The following L3MBTL4 variants were observed in gnomAD, a reference collection of about 807,000 sequenced individuals.
The protein encoded by L3MBTL4 is lethal(3)malignant brain tumor-like protein 4.
L3MBTL4 carries 70 observed loss-of-function variants against 84.5 expected under a neutral mutation model. That is an observed-to-expected ratio of 0.83 (90% CI 0.68 to 1.01). The LOEUF is 1.01. Ranked by LOEUF, L3MBTL4 falls within the 50% of genes least tolerant of loss-of-function variation. The probability of loss-of-function intolerance (pLI) is 0.00; values close to 1 mark genes in which losing one functional copy is unlikely to be tolerated. For synonymous variants in L3MBTL4, 274 were observed against 259.8 expected (o/e 1.05, Z -0.52); for missense variants, 715 against 754.8 (o/e 0.95, Z 0.62).
At chr18:6,105,551 C>A (rs541358914) in intron 14 of L3MBTL4, among the ~76,000 whole-genome samples, 1 of 151,728 alleles carries the variant, frequency 6.6e-6, no homozygotes, top group East Asian at 2.0e-4. Context: ...GTAATCTCAG[C>A]ACTTTGGGAG....
chr18:6,117,703 C>T (rs895587199), intron 14 of L3MBTL4, among the ~76,000 whole-genome samples: 2 of 152,162 alleles, frequency 1.3e-5, no homozygotes, highest in Non-Finnish European at 2.9e-5. Context: ...ATAAGTACAG[C>T]GTCCTATGTT....
In L3MBTL4 at chr18:6,088,517, G is replaced by T. The variant is rs558312350; in HGVS notation, c.1373+4838C>A. On this transcript the variant is annotated intron_variant, in intron 15 of 18. Coordinates refer to ENST00000317931, the MANE Select transcript of L3MBTL4 (RefSeq NM_001330559.2). ...TGAGGTACCAAGAAAGGAAACAAAGGCACAGTGCAGGAATGAAAACAACAC... is the reference window on the plus strand; with the variant it reads ...TGAGGTACCAAGAAAGGAAACAAAGTCACAGTGCAGGAATGAAAACAACAC... Among the ~76,000 whole-genome samples, 3 of 152,122 alleles carry T rather than the reference G, an allele frequency of 2.0e-5. No homozygotes were observed. In the East Asian group the frequency reaches 5.8e-4, roughly 29 times the overall value.
chr18:6,272,633 G>A (rs76300919), intron 4 of L3MBTL4, among the ~76,000 whole-genome samples: 756 of 68,488 alleles, frequency 0.011, no homozygotes, highest in Middle Eastern at 0.035. Context: ...ACGGGGAAAG[G>A]GGGAGTTGTG....
chr18:6,005,676 T>C (rs1014479965), intron 16 of L3MBTL4, among the ~76,000 whole-genome samples: 1 of 152,188 alleles, frequency 6.6e-6, no homozygotes, highest in Non-Finnish European at 1.5e-5. Flanking sequence ...ACTTCATTTT[T>C]TTTACGGCCA....
intron 16 of L3MBTL4, chr18:6,031,147 C>T (rs912954512): frequency 2.0e-6 from 2 of 985,322 alleles, no homozygotes; most frequent in South Asian, 4.7e-5. Context: ...AAACCCAGCT[C>T]TTGTCCTGAT....
chr18:5,966,187 G>A (rs188575232), intron 17 of L3MBTL4, among the ~76,000 whole-genome samples: 7 of 152,166 alleles, frequency 4.6e-5, no homozygotes, highest in Middle Eastern at 3.4e-3. Context: ...TAAGTGCCAC[G>A]CTTGAAATCT....
chr18:6,223,164 T>C (rs2046632751), intron 10 of L3MBTL4, among the ~76,000 whole-genome samples: 1 of 152,040 alleles, frequency 6.6e-6, no homozygotes, highest in African/African-American at 2.4e-5. Flanking sequence ...GTACATTTCA[T>C]TACCTCCCAA....
chr18:6,045,650 C>G (rs949096861), intron 16 of L3MBTL4, among the ~76,000 whole-genome samples: 4 of 152,170 alleles, frequency 2.6e-5, no homozygotes, highest in African/African-American at 4.8e-5. Context: ...GCCTCCATGA[C>G]TCAGTCACCT....
chr18:6,132,980 C>T (rs2059919507), intron 14 of L3MBTL4, among the ~76,000 whole-genome samples: 1 of 152,164 alleles, frequency 6.6e-6, no homozygotes, highest in Non-Finnish European at 1.5e-5. Flanking sequence ...GCACCAGTTC[C>T]ACGGGAGGGG....
intron 16 of L3MBTL4, among the ~76,000 whole-genome samples, chr18:6,023,609 G>A (rs2055367884): frequency 6.6e-6 from 1 of 152,214 alleles, no homozygotes; most frequent in African/African-American, 2.4e-5. Context: ...TGGGAAATAT[G>A]TAAAAAGAAG....
chr18:6,067,690 T>C (rs559241441), intron 16 of L3MBTL4, among the ~76,000 whole-genome samples: 40 of 151,806 alleles, frequency 2.6e-4, no homozygotes, highest in Non-Finnish European at 4.7e-4. Context: ...ATTCATATCC[T>C]AAATTTAAAA....
At chr18:6,250,559 T>A (rs2047879704) in intron 5 of L3MBTL4, among the ~76,000 whole-genome samples, 1 of 151,896 alleles carries the variant, frequency 6.6e-6, no homozygotes, top group South Asian at 2.1e-4. Flanking sequence ...TGAATGCCCC[T>A]CAATAGTCTA....
rs73938788 is a variant in L3MBTL4, at chr18:6,183,632, T to C, written c.982-11690A>G. 8.6e-3 allele frequency among the ~76,000 whole-genome samples: 1,310 copies of C among 152,284 alleles called. 25 individuals carry two copies. The highest frequency in any genetic ancestry group is 0.03 in the African/African-American group (1,253 of 41,572). ...TACACTGTTTACAATAAAGAAGACA[T>C]AGGATTTCTAAATAAGAACAGTAAG... On this transcript the variant is annotated intron_variant, in intron 12 of 18. Coordinates refer to ENST00000317931, the MANE Select transcript of L3MBTL4 (RefSeq NM_001330559.2).
chr18:6,033,072 G>C (rs975496487), intron 16 of L3MBTL4, among the ~76,000 whole-genome samples: 7 of 152,082 alleles, frequency 4.6e-5, no homozygotes, highest in African/African-American at 1.7e-4. Flanking sequence ...CCTTATGTAT[G>C]TGTGATTTTT....
chr18:6,156,283 T>C (rs537713612), intron 13 of L3MBTL4, among the ~76,000 whole-genome samples: 48 of 152,324 alleles, frequency 3.2e-4, no homozygotes, highest in Non-Finnish European at 6.2e-4. Context: ...TTTATCATCA[T>C]GGCCATAAGT....
chr18:6,108,158 T>C (rs2059074140), intron 14 of L3MBTL4, among the ~76,000 whole-genome samples: 2 of 152,166 alleles, frequency 1.3e-5, no homozygotes, highest in Admixed American at 6.5e-5. Flanking sequence ...GGTCTCCAAC[T>C]GCAGTCCAGG....
chr18:6,351,558 AT>A (rs567525765), intron 1 of L3MBTL4, among the ~76,000 whole-genome samples: 32 of 145,778 alleles, frequency 2.2e-4, no homozygotes, highest in East Asian at 9.9e-4. Flanking sequence ...TGGATTTTTT[AT>A]TTTTTTTTTT....
chr18:6,242,414 T>C (rs772842619), intron 7 of L3MBTL4, among the ~76,000 whole-genome samples: 10 of 152,124 alleles, frequency 6.6e-5, no homozygotes, highest in Non-Finnish European at 1.3e-4. Context: ...TCCTCTGAAA[T>C]GAAGCCCCGT....
chr18:6,383,454 G>A (rs537926924), intron 1 of L3MBTL4, among the ~76,000 whole-genome samples: 1 of 152,268 alleles, frequency 6.6e-6, no homozygotes, highest in East Asian at 1.9e-4. Context: ...GCACCAGAGG[G>A]AATCTCCTGG....
Sources: gnomAD v4.1 joint callset for allele counts (sites outside exome capture counted in the v4.1 genomes callset) on GRCh38, gnomAD v4.1.1 for gene constraint, MANE v1.5 for transcripts, NCBI Gene and HGNC (gene_info 2026-07-23, HGNC 2026-07-21) for gene names.